ANKRD30BL: variants seen among roughly 807,000 people sequenced by gnomAD.
ANKRD30BL encodes putative ankyrin repeat domain-containing protein 30B-like.
ANKRD30BL carries 20 observed loss-of-function variants against 18.4 expected under a neutral mutation model. The observed-to-expected ratio is 1.09, with a 90% CI of 0.77 to 1.58. ANKRD30BL has a LOEUF of 1.58. Ranked by LOEUF, ANKRD30BL falls within the 40% of genes most tolerant of loss-of-function variation. The pLI is 0.00. For missense variants in ANKRD30BL, 224 were observed against 268.6 expected, an observed-to-expected ratio of 0.83 and a Z score of 1.16; for synonymous variants, 72 against 100.9, an observed-to-expected ratio of 0.71 and a Z score of 1.72.
At chr2:132,240,622 T>C (rs1239848410) in intron 1 of ANKRD30BL, among the ~76,000 whole-genome samples, 1 of 151,806 alleles carries the variant, frequency 6.6e-6, no homozygotes, top group Non-Finnish European at 1.5e-5. Context: ...CAAGTGGATA[T>C]AGGGATACCT....
chr2:132,208,483 T>A lies in ANKRD30BL; in HGVS notation n.441+49046A>T, dbSNP rs565421742. 3.9e-5 allele frequency among the ~76,000 whole-genome samples: 6 copies of A among 152,220 alleles called. No homozygotes were observed. The East Asian group carries it at 1.2e-3, about 29-fold the overall frequency. On this transcript the variant is annotated intron_variant and non_coding_transcript_variant, in intron 1 of 4. Transcript: ENST00000470729. ...TATCAACCGGATGCTGTCCATGTAT[T>A]CCATAAGTTATGTCCATTTGGCTAG...
intron 1 of ANKRD30BL, among the ~76,000 whole-genome samples, chr2:132,236,817 C>T (rs1282935629): frequency 6.6e-6 from 1 of 151,878 alleles, no homozygotes; most frequent in Admixed American, 6.6e-5. Flanking sequence ...TATAAAGACA[C>T]ATGCACACGT....
At chr2:132,183,942 T>C (rs966876667) in intron 1 of ANKRD30BL, among the ~76,000 whole-genome samples, 2 of 151,982 alleles carry the variant, frequency 1.3e-5, no homozygotes, top group African/African-American at 4.8e-5. Context: ...AGAGAAAACA[T>C]GATCTGCTCT....
chr2:132,191,308 C>T lies in ANKRD30BL; in HGVS notation n.442-34162G>A, dbSNP rs567090744. Among the ~76,000 whole-genome samples, 1,455 of 152,136 alleles carry T rather than the reference C, an allele frequency of 9.6e-3. 28 individuals carry two copies. The highest frequency in any genetic ancestry group is 0.032 in the African/African-American group (1,330 of 41,500). On this transcript the variant is annotated intron_variant and non_coding_transcript_variant, in intron 1 of 4. Transcript: ENST00000470729. ...TACTACAATATGTTTATCCTTTAGC[C>T]TGTTGGTGAACCATTTACAAATGTT...
chr2:132,201,685 C>T (rs1162253937), intron 1 of ANKRD30BL, among the ~76,000 whole-genome samples: 2 of 152,194 alleles, frequency 1.3e-5, no homozygotes, highest in African/African-American at 2.4e-5. Context: ...CACTTTTACA[C>T]TGTTGGTGGG....
chr2:132,234,558 C>A (rs547439834), intron 1 of ANKRD30BL, among the ~76,000 whole-genome samples: 1 of 152,126 alleles, frequency 6.6e-6, no homozygotes, highest in Non-Finnish European at 1.5e-5. Context: ...ACTACAAACA[C>A]CTCTATGCAA....
intron 1 of ANKRD30BL, among the ~76,000 whole-genome samples, chr2:132,193,317 A>G (rs1165232838): frequency 1.3e-5 from 2 of 152,134 alleles, no homozygotes; most frequent in Non-Finnish European, 2.9e-5. Flanking sequence ...TCAACAGCGT[A>G]AATCAATAAT....
intron 1 of ANKRD30BL, among the ~76,000 whole-genome samples, chr2:132,225,040 T>C (rs1679803923): frequency 6.6e-6 from 1 of 151,986 alleles, no homozygotes; most frequent in East Asian, 1.9e-4. Flanking sequence ...TGCATTCAAC[T>C]CAGAGACTTG....
At chr2:132,222,645 A>T (rs7570530) in intron 1 of ANKRD30BL, among the ~76,000 whole-genome samples, 1 of 151,640 alleles carries the variant, frequency 6.6e-6, no homozygotes, top group Non-Finnish European at 1.5e-5. Flanking sequence ...CAGCATGCTC[A>T]TTAAGAGTCA....
Position 132,157,063 on chromosome 2 carries a change from G to T in ANKRD30BL, c.417C>A (p.Asn139Lys). Reference sequence around the variant, plus strand: ...TGTTAACAGCATAATGGACAGCTGTGTTGCCATACACATCTACAATATTTG... The same window carrying T: ...TGTTAACAGCATAATGGACAGCTGTTTTGCCATACACATCTACAATATTTG... ...ADPNIVDVYG[N>K]TAVHYAVNSE... The change falls in exon 3 of 6, where the codon AAC (asparagine) becomes AAA (lysine). Residue 139 changes from asparagine (N) to lysine (K), a missense_variant. Physicochemically the swap from Asn to Lys is moderately conservative, Grantham distance 94 (BLOSUM62 0). This residue lies in a region of ANKRD30BL where 30 missense variants were observed against 77.5 expected (regional missense o/e 0.39). Coordinates refer to ENST00000409867, the MANE Select transcript of ANKRD30BL (RefSeq NM_001358416.1). 1 of 1,402,700 alleles carries T rather than the reference G, an allele frequency of 7.1e-7. No individual in the cohort carries two copies. The highest frequency in any genetic ancestry group is 2.5e-5 in the East Asian group (1 of 40,400). The allele number at this position is 1,402,700 out of a possible 1,614,324, so 86.9% of individuals were successfully genotyped here.
At chr2:132,253,806 G>C (rs149990018) in intron 1 of ANKRD30BL, among the ~76,000 whole-genome samples, 7 of 151,946 alleles carry the variant, frequency 4.6e-5, no homozygotes. Flanking sequence ...GGCGGATGAG[G>C]GGGGTGGGAC....
At chr2:132,220,608 C>T (rs1260833035) in intron 1 of ANKRD30BL, among the ~76,000 whole-genome samples, 50 of 152,236 alleles carry the variant, frequency 3.3e-4, no homozygotes, top group South Asian at 1.5e-3. Flanking sequence ...GCGAGTGATC[C>T]GCCAGCCTCG....
intron 1 of ANKRD30BL, among the ~76,000 whole-genome samples, chr2:132,176,036 C>T (rs2104944224): frequency 6.6e-6 from 1 of 152,312 alleles, no homozygotes; most frequent in Admixed American, 6.5e-5. Context: ...TCTTCCTTTT[C>T]CCTACAAAAT....
At chr2:132,219,666 A>G (rs373470088) in intron 1 of ANKRD30BL, among the ~76,000 whole-genome samples, 35 of 151,180 alleles carry the variant, frequency 2.3e-4, no homozygotes, top group Non-Finnish European at 4.1e-4. Context: ...TCACATAAAA[A>G]CTAGGCAGAA....
chr2:132,181,961 A>G (rs1688471940), intron 1 of ANKRD30BL, among the ~76,000 whole-genome samples: 1 of 151,932 alleles, frequency 6.6e-6, no homozygotes, highest in Non-Finnish European at 1.5e-5. Flanking sequence ...AAAATACAAA[A>G]TTAGCCGGGC....
chr2:132,150,332 CTG>C (rs1478927635), intron 5 of ANKRD30BL, among the ~76,000 whole-genome samples: 15 of 142,360 alleles, frequency 1.1e-4, no homozygotes, highest in Admixed American at 1.0e-3. Flanking sequence ...GTTTATTTAA[CTG>C]TGTTTCTTTA....
intron 1 of ANKRD30BL, among the ~76,000 whole-genome samples, chr2:132,247,514 G>T (rs371985420): frequency 1.4e-5 from 2 of 143,590 alleles, no homozygotes; most frequent in African/African-American, 5.1e-5. Flanking sequence ...TGAAAAGAAA[G>T]GTTCAAATCC....
At position 132,157,388 on chromosome 2, in the gene ANKRD30BL, G is replaced by T; in HGVS notation, c.254C>A (p.Ala85Glu). The change falls in exon 2 of 6, where the codon GCA becomes GAA. Residue 85 changes from alanine to glutamate, a missense_variant. Physicochemically the swap from Ala to Glu is moderately radical, Grantham distance 107. Around this residue, in one of 3 missense-constraint regions of ANKRD30BL, gnomAD observed 131 missense variants for 128.8 expected, o/e 1.02. Transcript: ENST00000409867. Reference sequence around the variant, plus strand: ...ATCTACCAGAAGTGTTACTACTTCTGCATGGCCATTGGCACAGGCCCAGTA... The same window carrying T: ...ATCTACCAGAAGTGTTACTACTTCTTCATGGCCATTGGCACAGGCCCAGTA... ...ALYWACANGH[A>E]EVVTLLVDRK... is the part of the protein sequence containing the mutation. 1.3e-6 allele frequency: 1 copy of T among 751,276 alleles called. No individual in the cohort carries two copies. Among genetic ancestry groups the T allele is most frequent in the East Asian group, 2.5e-5 (1 of 40,132 alleles). The allele number at this position is 751,276 out of a possible 1,614,324, so 46.5% of individuals were successfully genotyped here. A position where few individuals can be genotyped will look rare whatever the true frequency, so the allele number is the denominator to read the frequency against.
At chr2:132,204,678 G>A (rs983663169) in intron 1 of ANKRD30BL, among the ~76,000 whole-genome samples, 3 of 151,986 alleles carry the variant, frequency 2.0e-5, no homozygotes, top group Non-Finnish European at 4.4e-5. Context: ...GGTAATTCAA[G>A]GTAGAAACAG....
Sources: allele counts gnomAD v4.1 joint callset (sites outside exome capture counted in the v4.1 genomes callset), GRCh38; gene constraint gnomAD v4.1.1; regional missense constraint gnomAD v4.1.1; transcripts MANE v1.5; gene names NCBI Gene and HGNC (gene_info 2026-07-23, HGNC 2026-07-21).